The following ROBO2 variants were observed in gnomAD, a reference collection of about 807,000 sequenced individuals.
The protein encoded by ROBO2 is roundabout guidance receptor 2.
ROBO2 carries 53 observed loss-of-function variants against 160.8 expected under a neutral mutation model. The observed-to-expected ratio is 0.33, with a 90% CI of 0.26 to 0.41. The LOEUF (loss-of-function observed/expected upper bound fraction) is 0.41, where lower values mean the gene tolerates loss of function less well. Ranked by LOEUF, ROBO2 falls within the 10% of genes least tolerant of loss-of-function variation. ROBO2 has a pLI of 1.00. For synonymous variants in ROBO2, 664 were observed against 611.7 expected, an observed-to-expected ratio of 1.09 and a Z score of -1.26; for missense variants, 1,577 against 1,722.4, an observed-to-expected ratio of 0.92 and a Z score of 1.49.
intron 2 of ROBO2, among the ~76,000 whole-genome samples, chr3:76,693,541 C>T (rs1351803677): frequency 6.6e-6 from 1 of 151,752 alleles, no homozygotes; most frequent in Non-Finnish European, 1.5e-5. Context: ...AAAATTGGCT[C>T]ACATCATGAT....
chr3:76,956,162 A>G (rs2149206233), intron 2 of ROBO2, among the ~76,000 whole-genome samples: 1 of 152,342 alleles, frequency 6.6e-6, no homozygotes, highest in Admixed American at 6.5e-5. Flanking sequence ...TCTGGATATT[A>G]ATACACTACT....
At chr3:76,397,684 C>T (rs1056386805) in intron 2 of ROBO2, among the ~76,000 whole-genome samples, 57 of 152,226 alleles carry the variant, frequency 3.7e-4, no homozygotes, top group African/African-American at 1.3e-3. Flanking sequence ...AGACACTTCT[C>T]AAAAGAAGAC....
intron 2 of ROBO2, among the ~76,000 whole-genome samples, chr3:76,147,639 C>T (rs541766829): frequency 6.6e-6 from 1 of 152,100 alleles, no homozygotes; most frequent in South Asian, 2.1e-4. Flanking sequence ...TAACAATACA[C>T]TGAGACAGCA....
chr3:76,933,782 G>C (rs1176628852), intron 2 of ROBO2, among the ~76,000 whole-genome samples: 3 of 152,138 alleles, frequency 2.0e-5, no homozygotes, highest in Admixed American at 6.5e-5. Flanking sequence ...ATGAAGAATA[G>C]ATGTGCAGTT....
Position 77,506,793 on chromosome 3 carries a change from G to A in ROBO2, c.806+13411G>A, listed in dbSNP as rs1176353441. On this transcript the variant is annotated intron_variant, in intron 5 of 25. Transcript: ENST00000461745. ...GTAATTTTTATTTTTTGTTTTTAAT[G>A]TTAGGGCAAAAATAATAGAATATAA... Among the ~76,000 whole-genome samples, 3 of 152,058 alleles carry A rather than the reference G, an allele frequency of 2.0e-5. No homozygotes were observed. In the East Asian group the frequency reaches 5.8e-4, roughly 29 times the overall value.
At position 77,077,172 on chromosome 3, in the gene ROBO2, G is replaced by A. The variant is rs114881481; in HGVS notation, c.62-20842G>A. 6.7e-3 allele frequency among the ~76,000 whole-genome samples: 1,015 copies of A among 152,286 alleles called. 8 individuals are homozygous for A. The highest frequency in any genetic ancestry group is 0.023 in the African/African-American group (935 of 41,554). On this transcript the variant is annotated intron_variant, in intron 1 of 25. Coordinates refer to ENST00000461745, the Ensembl canonical transcript of ROBO2. ...GATAGTTTCCTGTGCATCTATACAA[G>A]CTTTTAAAATCTCAGATTCCTCATC...
chr3:77,505,912 T>A (rs1270774958), intron 5 of ROBO2, among the ~76,000 whole-genome samples: 2 of 152,184 alleles, frequency 1.3e-5, no homozygotes, highest in African/African-American at 4.8e-5. Context: ...AATAATGGCA[T>A]AAACTAATTT....
intron 2 of ROBO2, among the ~76,000 whole-genome samples, chr3:76,655,201 C>T (rs2091450252): frequency 6.7e-6 from 1 of 149,570 alleles, no homozygotes; most frequent in Admixed American, 6.7e-5. Context: ...AGAGAATAGT[C>T]AAAATTCTAT....
At chr3:75,958,290 T>G (rs1948788883) in intron 2 of ROBO2, among the ~76,000 whole-genome samples, 1 of 151,792 alleles carries the variant, frequency 6.6e-6, no homozygotes, top group Admixed American at 6.6e-5. Context: ...CAATCACTCC[T>G]TTAGTTTTTC....
intron 2 of ROBO2, among the ~76,000 whole-genome samples, chr3:76,000,405 C>G (rs995008986): frequency 1.3e-5 from 2 of 152,012 alleles, no homozygotes. Flanking sequence ...ATTGTGCTAT[C>G]CATATCTCCA....
chr3:76,959,566 T>G (rs1182139559), intron 2 of ROBO2, among the ~76,000 whole-genome samples: 1 of 152,198 alleles, frequency 6.6e-6, no homozygotes, highest in Non-Finnish European at 1.5e-5. Context: ...AGGTAGTTTT[T>G]TATTGCAGGG....
chr3:76,150,516 A>T (rs2106841991), intron 2 of ROBO2, among the ~76,000 whole-genome samples: 1 of 152,056 alleles, frequency 6.6e-6, no homozygotes, highest in African/African-American at 2.4e-5. Flanking sequence ...ACATTTGTCT[A>T]AAACACACAC....
rs568359300 is a variant in ROBO2 at position 76,247,016 on chromosome 3, T to G, written c.109+309414T>G. Among the ~76,000 whole-genome samples, 9 of 152,192 alleles carry G rather than the reference T, an allele frequency of 5.9e-5. No individual in the cohort carries two copies. In the East Asian group the frequency reaches 1.7e-3, roughly 29 times the overall value. On this transcript the variant is annotated intron_variant, in intron 2 of 26. Transcript: ENST00000487694. ...GTGACCAGCAAATAGGTGTAAAAAATAGTTCTATATTATCAGAGACAGGCC... is the reference window on the plus strand; with the variant it reads ...GTGACCAGCAAATAGGTGTAAAAAAGAGTTCTATATTATCAGAGACAGGCC...
chr3:77,482,249 T>C (rs1355019269), intron 4 of ROBO2, among the ~76,000 whole-genome samples: 1 of 152,172 alleles, frequency 6.6e-6, no homozygotes, highest in Non-Finnish European at 1.5e-5. Flanking sequence ...TCTACTTCTG[T>C]GCATGATTTA....
chr3:77,595,408 A>T (rs1275206517), intron 18 of ROBO2, among the ~76,000 whole-genome samples: 1 of 152,198 alleles, frequency 6.6e-6, no homozygotes. Flanking sequence ...AGAAATTAGT[A>T]GTAAATATCA....
chr3:76,993,675 A>G (rs2060820848), intron 2 of ROBO2, among the ~76,000 whole-genome samples: 1 of 152,118 alleles, frequency 6.6e-6, no homozygotes, highest in Admixed American at 6.6e-5. Flanking sequence ...GGAAAGTTAC[A>G]TACCATACTT....
intron 2 of ROBO2, among the ~76,000 whole-genome samples, chr3:76,457,301 G>C (rs1228067740): frequency 6.6e-6 from 1 of 152,158 alleles, no homozygotes; most frequent in East Asian, 1.9e-4. Context: ...AGAGAAATTG[G>C]CCAAAACAAA....
intron 2 of ROBO2, chr3:76,435,430 CAA>C (rs2076629124): frequency 1.3e-6 from 1 of 774,756 alleles, no homozygotes; most frequent in East Asian, 2.4e-5. Context: ...GCTGGATAGG[CAA>C]AGTGTCTCTG....
At chr3:76,690,658 G>T (rs2092781864) in intron 2 of ROBO2, among the ~76,000 whole-genome samples, 1 of 151,990 alleles carries the variant, frequency 6.6e-6, no homozygotes, top group South Asian at 2.1e-4. Context: ...ATTATTGTAT[G>T]AATTTTTATA....
Sources: gnomAD v4.1 joint callset for allele counts (sites outside exome capture counted in the v4.1 genomes callset) on GRCh38, gnomAD v4.1.1 for gene constraint, MANE v1.5 for transcripts, NCBI Gene and HGNC (gene_info 2026-07-23, HGNC 2026-07-21) for gene names.